UTRN: variants seen among roughly 807,000 people sequenced by gnomAD.
UTRN encodes dystrophin-related protein 1.
Under a neutral mutation model 463.9 loss-of-function variants are expected in UTRN, and 283 were observed. The ratio of observed to expected loss-of-function variants is 0.61; its 90% CI spans 0.55 to 0.67. UTRN has a LOEUF of 0.67. Among genes scored for constraint, UTRN ranks in the 30% least tolerant of loss-of-function variants. The pLI, the probability that UTRN is intolerant of heterozygous loss-of-function variation, is 0.00. For missense variants in UTRN, 3,922 were observed against 4,084.3 expected, an observed-to-expected ratio of 0.96 and a Z score of 1.08; for synonymous variants, 1,442 against 1,431.5, an observed-to-expected ratio of 1.01 and a Z score of -0.17.
At chr6:144,803,247 A>AACG in intron 65 of UTRN, 100 bp downstream of exon 65, 1 of 754,384 alleles carries the variant, frequency 1.3e-6, no homozygotes. Context: ...TTTTGAAAAA[A>AACG]TATCACTTTG....
intron 23 of UTRN, among the ~76,000 whole-genome samples, chr6:144,470,992 G>A (rs1790549981): frequency 6.8e-6 from 1 of 147,596 alleles, no homozygotes; most frequent in South Asian, 2.2e-4. Flanking sequence ...TCCAGCCTTG[G>A]CTCGGCATCA....
intron 19 of UTRN, among the ~76,000 whole-genome samples, chr6:144,456,937 A>G (rs1189344974): frequency 6.6e-6 from 1 of 152,056 alleles, no homozygotes; most frequent in Non-Finnish European, 1.5e-5. Flanking sequence ...ATAGACTGAG[A>G]AGTGTAAAGT....
intron 9 of UTRN, among the ~76,000 whole-genome samples, chr6:144,432,940 G>A (rs916666336): frequency 2.2e-4 from 33 of 152,114 alleles, no homozygotes; most frequent in Non-Finnish European, 3.2e-4. Context: ...ATCTTGCACC[G>A]CCCTTAATCC....
At chr6:144,381,096 T>C (rs914155881) in intron 2 of UTRN, among the ~76,000 whole-genome samples, 38 of 152,138 alleles carry the variant, frequency 2.5e-4, no homozygotes, top group Admixed American at 2.0e-3. Flanking sequence ...GATGGGGGTT[T>C]GTTTACGGAT....
chr6:144,355,947 T>C (rs1345896420), intron 2 of UTRN, among the ~76,000 whole-genome samples: 1 of 152,244 alleles, frequency 6.6e-6, no homozygotes, highest in Non-Finnish European at 1.5e-5. Flanking sequence ...TTTGAATTCT[T>C]TGATTTTAAG....
At chr6:144,794,748 G>A (rs1777064578) in intron 63 of UTRN, among the ~76,000 whole-genome samples, 2 of 152,148 alleles carry the variant, frequency 1.3e-5, no homozygotes, top group South Asian at 4.1e-4. Context: ...TCTGGAGGCT[G>A]TCCATGATCA....
intron 61 of UTRN, among the ~76,000 whole-genome samples, chr6:144,783,077 T>A (rs1271832930): frequency 6.6e-6 from 1 of 151,858 alleles, no homozygotes; most frequent in Non-Finnish European, 1.5e-5. Context: ...GTGCCTGTAA[T>A]CTCAGCTACT....
intron 54 of UTRN, among the ~76,000 whole-genome samples, chr6:144,743,922 T>A (rs896377548): frequency 2.6e-5 from 4 of 151,398 alleles, no homozygotes; most frequent in African/African-American, 9.7e-5. Flanking sequence ...TGTTTAAAAA[T>A]TATGAAATAT....
intron 1 of UTRN, 145 bp downstream of exon 1, chr6:144,285,966 G>C (rs997997907): frequency 3.3e-5 from 5 of 152,320 alleles, no homozygotes; most frequent in African/African-American, 1.2e-4. Context: ...AAGTCCCAGA[G>C]TCGAAGATGG....
Position 144,836,355 on chromosome 6 carries a change from C to T in UTRN, c.9879C>T (p.Leu3293=). The T allele has an allele frequency of 1.2e-6, 2 of 1,614,120 alleles. No homozygotes were observed. Among genetic ancestry groups the T allele is most frequent in the Non-Finnish European group, 1.7e-6 (2 of 1,179,996 alleles). Residue 3293 remains leucine (L), a synonymous_variant, in exon 71 of 75, where the codon CTC becomes CTT. Transcript: ENST00000367545. The part of the protein sequence containing the change: ...QLKDQHLRRG[L]PVGSPPESII... ...AGGACCAGCACCTCCGAAGGGGGCT[C>T]CCTGTCGGTTCACCGCCAGAGTCGA... is the stretch of plus-strand genomic sequence containing the variant.
In UTRN at chr6:144,679,303, A is replaced by G. The variant is rs551675925; in HGVS notation, c.7652+725A>G. ...TTGGGATCAAGAATATTTTAAGATC[A>G]TATTTAATAGAGAGTGGACAGCTCC... On this transcript the variant is annotated intron_variant, in intron 52 of 74. Coordinates refer to ENST00000367545, the MANE Select transcript of UTRN (RefSeq NM_007124.3). Among the ~76,000 whole-genome samples, 4 of 152,298 alleles carry G rather than the reference A, an allele frequency of 2.6e-5. No homozygotes were observed. In the South Asian group the frequency reaches 8.3e-4, roughly 32 times the overall value.
intron 51 of UTRN, among the ~76,000 whole-genome samples, chr6:144,677,327 TC>T (rs1936911619): frequency 6.6e-6 from 1 of 152,172 alleles, no homozygotes; most frequent in Non-Finnish European, 1.5e-5. Context: ...CCATGTGTTC[TC>T]ATTTTTCAGC....
At chr6:144,337,194 C>CCACACACAAACACACA (rs1554219231) in intron 2 of UTRN, among the ~76,000 whole-genome samples, 1,349 of 126,768 alleles carry the variant, frequency 0.011, 24 homozygotes, top group African/African-American at 0.043. Flanking sequence ...CACACACACA[C>CCACACACAAACACACA]CACACACACA....
intron 62 of UTRN, among the ~76,000 whole-genome samples, chr6:144,792,756 ATTGT>A (rs1459982307): frequency 6.6e-6 from 1 of 152,194 alleles, no homozygotes; most frequent in African/African-American, 2.4e-5. Flanking sequence ...AATGAAGTAG[ATTGT>A]TTGTATTTGA....
intron 2 of UTRN, among the ~76,000 whole-genome samples, chr6:144,365,387 G>A (rs1448302361): frequency 6.6e-6 from 1 of 152,212 alleles, no homozygotes; most frequent in African/African-American, 2.4e-5. Flanking sequence ...GGCCAGCCTA[G>A]GATTGGAATT....
chr6:144,732,820 A>G (rs1788900339), intron 54 of UTRN, among the ~76,000 whole-genome samples: 1 of 152,052 alleles, frequency 6.6e-6, no homozygotes, highest in East Asian at 1.9e-4. Context: ...CAAGTGATCA[A>G]TCCTCCCACC....
chr6:144,546,644 T>C (rs1798431765), intron 46 of UTRN, among the ~76,000 whole-genome samples: 1 of 151,568 alleles, frequency 6.6e-6, no homozygotes, highest in African/African-American at 2.4e-5. Context: ...CTACAAAAAA[T>C]TAAAAATAAA....
At position 144,757,955 on chromosome 6, in the gene UTRN, T is replaced by A; in HGVS notation, c.8461T>A (p.Ser2821Thr). The A allele has an allele frequency of 6.2e-7, 1 of 1,611,422 alleles. No individual in the cohort carries two copies. The highest frequency in any genetic ancestry group is 1.1e-5 in the South Asian group (1 of 90,662). Residue 2821 changes from serine (S) to threonine (T), a missense_variant, in exon 58 of 75, where the codon TCC becomes ACC. Transcript: ENST00000367545. ...STSVQLPWQR[S>T]ISHNKVPYYI... The stretch of plus-strand genomic sequence containing the variant: ...GTCAGTCCAGCTGCCGTGGCAAAGA[T>A]CCATTTCACATAATAAAGTGCCCTA...
chr6:144,438,617 T>C, intron 11 of UTRN, 128 bp from the exon 12 acceptor site: 1 of 1,188,788 alleles, frequency 8.4e-7, no homozygotes, highest in Non-Finnish European at 1.2e-6. Flanking sequence ...ATTTAAAGAC[T>C]AAATGCTACC....
Sources: allele counts gnomAD v4.1 joint callset (sites outside exome capture counted in the v4.1 genomes callset), GRCh38; gene constraint gnomAD v4.1.1; transcripts MANE v1.5; gene names NCBI Gene and HGNC (gene_info 2026-07-23, HGNC 2026-07-21).